Variants in VAV3 observed in about 807,000 individuals in gnomAD.
The protein encoded by VAV3 is guanine nucleotide exchange factor VAV3.
Under a neutral mutation model 131.2 loss-of-function variants are expected in VAV3, and 94 were observed. The ratio of observed to expected loss-of-function variants is 0.72; its 90% CI spans 0.61 to 0.85. VAV3 has a LOEUF of 0.85. Ranked by LOEUF, VAV3 falls within the 40% of genes least tolerant of loss-of-function variation. VAV3 has a pLI of 0.00. For synonymous variants in VAV3, 349 were observed against 342.0 expected (o/e 1.02, Z -0.22); for missense variants, 939 against 1,002.7 (o/e 0.94, Z 0.86).
chr1:107,631,025 A>T (rs1312182130), intron 20 of VAV3, among the ~76,000 whole-genome samples: 9 of 152,146 alleles, frequency 5.9e-5, no homozygotes, highest in African/African-American at 1.9e-4. Flanking sequence ...TGCTTTTTTC[A>T]ATTAGAGAAG....
At chr1:107,717,134 CTTT>C (rs762734237) in intron 15 of VAV3, among the ~76,000 whole-genome samples, 37 of 152,134 alleles carry the variant, frequency 2.4e-4, no homozygotes, top group African/African-American at 8.2e-4. Context: ...CTCTTTTCTT[CTTT>C]ATTAGTCTTG....
intron 2 of VAV3, among the ~76,000 whole-genome samples, chr1:107,870,493 AT>A (rs1670203722): frequency 6.6e-6 from 1 of 151,028 alleles, no homozygotes; most frequent in Admixed American, 6.6e-5. Context: ...TGTTTGTTTT[AT>A]TTTTCTTGCT....
chr1:107,772,702 C>A, intron 5 of VAV3, 33 bp downstream of exon 5: 1 of 1,543,366 alleles, frequency 6.5e-7, no homozygotes, highest in South Asian at 1.2e-5. Flanking sequence ...ATAAAATATT[C>A]AGAGTAACTT....
At chr1:107,709,199 C>T (rs572548998) in intron 15 of VAV3, among the ~76,000 whole-genome samples, 7 of 152,218 alleles carry the variant, frequency 4.6e-5, no homozygotes, top group African/African-American at 1.4e-4. Flanking sequence ...CTTGTAAGTC[C>T]GCCTCCCCAC....
At chr1:107,595,724 T>C (rs1395519637) in intron 25 of VAV3, among the ~76,000 whole-genome samples, 1 of 152,162 alleles carries the variant, frequency 6.6e-6, no homozygotes, top group South Asian at 2.1e-4. Context: ...GTGGCCAATG[T>C]ATGGTTTTAG....
chr1:107,801,734 C>T (rs1666835963), intron 2 of VAV3, among the ~76,000 whole-genome samples: 1 of 152,140 alleles, frequency 6.6e-6, no homozygotes, highest in African/African-American at 2.4e-5. Context: ...CCACAAGGCA[C>T]CCCTGGAGTC....
chr1:107,651,333 A>G (rs1023947519), intron 19 of VAV3, among the ~76,000 whole-genome samples: 2 of 152,120 alleles, frequency 1.3e-5, no homozygotes, highest in African/African-American at 2.4e-5. Flanking sequence ...TAGATACTCA[A>G]TCTTCTTGCT....
rs1410397608 is a variant in VAV3, at chr1:107,854,988, C to T, written c.321+19913G>A. Among the ~76,000 whole-genome samples the T allele has an allele frequency of 2.6e-5, 4 of 152,102 alleles. No homozygotes were observed. In the East Asian group the frequency reaches 7.7e-4, roughly 29 times the overall value. ...TTGTGCCTTTGCCATCTTCTAAAGC[C>T]AAAACCTCTGTACTCAGTTGGTGTT... On this transcript the variant is annotated intron_variant, in intron 2 of 26. Coordinates refer to ENST00000370056, the MANE Select transcript of VAV3 (RefSeq NM_006113.5).
chr1:107,882,498 T>A (rs1670830517), intron 1 of VAV3, among the ~76,000 whole-genome samples: 1 of 152,088 alleles, frequency 6.6e-6, no homozygotes, highest in African/African-American at 2.4e-5. Context: ...TCATCATAAC[T>A]CCTCCTCTAT....
intron 10 of VAV3, among the ~76,000 whole-genome samples, chr1:107,757,591 G>A (rs1424439755): frequency 1.3e-5 from 2 of 152,046 alleles, no homozygotes; most frequent in Non-Finnish European, 2.9e-5. Context: ...CACTGACATT[G>A]ATCCCTATTG....
At chr1:107,718,235 G>A (rs915740447) in intron 15 of VAV3, among the ~76,000 whole-genome samples, 2 of 151,994 alleles carry the variant, frequency 1.3e-5, no homozygotes, top group East Asian at 1.9e-4. Context: ...AGAAATAAAG[G>A]GTATTCAATT....
At chr1:107,642,897 A>G in intron 19 of VAV3, 142 bp from the exon 20 acceptor site, 1 of 1,174,922 alleles carries the variant, frequency 8.5e-7, no homozygotes, top group Non-Finnish European at 1.2e-6. Context: ...TAACTATAAT[A>G]GAATGATTTT....
chr1:107,874,015 T>G (rs1363924501), intron 2 of VAV3, among the ~76,000 whole-genome samples: 2 of 152,208 alleles, frequency 1.3e-5, no homozygotes, highest in Non-Finnish European at 2.9e-5. Flanking sequence ...GTTAAAACAA[T>G]GTATACTCTC....
chr1:107,678,935 T>C (rs1268412203), intron 19 of VAV3, among the ~76,000 whole-genome samples: 1 of 152,106 alleles, frequency 6.6e-6, no homozygotes, highest in Admixed American at 6.6e-5. Context: ...AAAAATTTTA[T>C]ATGTACATTT....
chr1:107,927,406 A>C (rs1673206157), intron 1 of VAV3, among the ~76,000 whole-genome samples: 1 of 152,078 alleles, frequency 6.6e-6, no homozygotes, highest in Non-Finnish European at 1.5e-5. Context: ...CTTCTGTTTG[A>C]AAAAAGAAGA....
chr1:107,629,305 C>T (rs1654264476), intron 20 of VAV3, among the ~76,000 whole-genome samples: 1 of 152,188 alleles, frequency 6.6e-6, no homozygotes, highest in African/African-American at 2.4e-5. Flanking sequence ...CTTGCCCTCT[C>T]TTCCTTTGTG....
intron 20 of VAV3, among the ~76,000 whole-genome samples, chr1:107,621,123 T>C (rs910670317): frequency 1.3e-5 from 2 of 150,930 alleles, no homozygotes; most frequent in Non-Finnish European, 3.0e-5. Flanking sequence ...AAGGACACTC[T>C]TGGAGGTCCT....
intron 2 of VAV3, among the ~76,000 whole-genome samples, chr1:107,846,484 AG>A (rs1557879460): frequency 1.3e-5 from 2 of 152,222 alleles, no homozygotes. Flanking sequence ...TTGGATAAAG[AG>A]TCAAGACCCA....
rs72705676 is a variant in VAV3 at position 107,804,716 on chromosome 1, G to T, written c.322-25224C>A. ...ATTAAAGTATTCTGGGGCTGTATCC[G>T]AACTTCAGTTTTACCAGTGGGTTTT... is the stretch of plus-strand genomic sequence containing the variant. On this transcript the variant is annotated intron_variant, in intron 2 of 26. Coordinates refer to ENST00000370056, the MANE Select transcript of VAV3 (RefSeq NM_006113.5). 3.3e-5 allele frequency among the ~76,000 whole-genome samples: 5 copies of T among 152,196 alleles called. No homozygotes were observed. In the East Asian group the frequency reaches 9.6e-4, roughly 29 times the overall value.
Sources: gnomAD v4.1 joint callset for allele counts (sites outside exome capture counted in the v4.1 genomes callset) on GRCh38, gnomAD v4.1.1 for gene constraint, MANE v1.5 for transcripts, NCBI Gene and HGNC (gene_info 2026-07-23, HGNC 2026-07-21) for gene names.